The following CNTN4 variants were observed in gnomAD, a reference collection of about 807,000 sequenced individuals.
CNTN4 encodes the protein contactin-4.
CNTN4 carries 77 observed loss-of-function variants against 122.5 expected under a neutral mutation model. The ratio of observed to expected loss-of-function variants is 0.63; its 90% CI spans 0.52 to 0.76. CNTN4 has a LOEUF of 0.76. Ranked by LOEUF, CNTN4 falls within the 30% of genes least tolerant of loss-of-function variation. CNTN4 has a pLI of 0.00. For missense variants in CNTN4, 1,256 were observed against 1,259.1 expected (o/e 1.00, Z 0.04); for synonymous variants, 512 against 447.0 (o/e 1.15, Z -1.83).
chr3:2,708,161 A>G (rs192246633), intron 4 of CNTN4, among the ~76,000 whole-genome samples: 101 of 152,268 alleles, frequency 6.6e-4, no homozygotes, highest in African/African-American at 2.2e-3. Context: ...CAAAGTTTCA[A>G]TGGGTTAATC....
intron 3 of CNTN4, among the ~76,000 whole-genome samples, chr3:2,480,903 TAGATC>T (rs2075971755): frequency 1.3e-5 from 2 of 152,280 alleles, no homozygotes; most frequent in East Asian, 3.9e-4. Flanking sequence ...AACAGACAAA[TAGATC>T]AGAACAGAGA....
chr3:2,937,164 T>A (rs1369388599), intron 13 of CNTN4, among the ~76,000 whole-genome samples: 3 of 152,244 alleles, frequency 2.0e-5, no homozygotes, highest in African/African-American at 7.2e-5. Flanking sequence ...TATTTGTTCT[T>A]TGTGACTTAC....
At chr3:2,990,027 G>A (rs943105466) in intron 14 of CNTN4, among the ~76,000 whole-genome samples, 3 of 152,214 alleles carry the variant, frequency 2.0e-5, no homozygotes, top group African/African-American at 4.8e-5. Flanking sequence ...CCACTTACCA[G>A]CTCTTAGACA....
intron 2 of CNTN4, among the ~76,000 whole-genome samples, chr3:2,291,174 T>C (rs1453020433): frequency 6.6e-6 from 1 of 152,152 alleles, no homozygotes; most frequent in Non-Finnish European, 1.5e-5. Context: ...TATGTAAATT[T>C]TTTTACCCTT....
intron 2 of CNTN4, among the ~76,000 whole-genome samples, chr3:2,122,994 A>G (rs2033899367): frequency 6.6e-6 from 1 of 152,180 alleles, no homozygotes; most frequent in Non-Finnish European, 1.5e-5. Flanking sequence ...GAGACTTGGC[A>G]TGACTGGACG....
chr3:2,327,180 C>A (rs895282042), intron 2 of CNTN4, among the ~76,000 whole-genome samples: 1 of 148,532 alleles, frequency 6.7e-6, no homozygotes, highest in African/African-American at 2.5e-5. Context: ...TATAAAGTGC[C>A]AAGCTTATTT....
intron 20 of CNTN4, among the ~76,000 whole-genome samples, chr3:3,040,855 A>G (rs537819106): frequency 6.6e-6 from 1 of 151,960 alleles, no homozygotes; most frequent in East Asian, 1.9e-4. Flanking sequence ...TGAACCCAGG[A>G]GGCGGAGGTT....
At chr3:2,766,100 A>G (rs1441937424) in intron 6 of CNTN4, among the ~76,000 whole-genome samples, 2 of 152,202 alleles carry the variant, frequency 1.3e-5, no homozygotes, top group Non-Finnish European at 1.5e-5. Flanking sequence ...CAGAGTCACA[A>G]TAGGGCTTCC....
intron 13 of CNTN4, among the ~76,000 whole-genome samples, chr3:2,957,015 A>G (rs1263591057): frequency 6.6e-6 from 1 of 152,098 alleles, no homozygotes; most frequent in Non-Finnish European, 1.5e-5. Context: ...CATATTTACT[A>G]GTTTCTTTAT....
chr3:2,996,064 A>G (rs1695506357), intron 14 of CNTN4, among the ~76,000 whole-genome samples: 1 of 152,204 alleles, frequency 6.6e-6, no homozygotes, highest in Non-Finnish European at 1.5e-5. Context: ...TAATGTTTGC[A>G]TACAGAATAC....
intron 10 of CNTN4, among the ~76,000 whole-genome samples, chr3:2,895,765 T>C (rs980288568): frequency 2.6e-5 from 4 of 152,224 alleles, no homozygotes; most frequent in African/African-American, 9.6e-5. Flanking sequence ...CTGGGCGCAG[T>C]GGCTCACGCC....
chr3:2,888,320 G>A (rs1054101647), intron 10 of CNTN4, among the ~76,000 whole-genome samples: 1 of 152,130 alleles, frequency 6.6e-6, no homozygotes, highest in East Asian at 1.9e-4. Context: ...TAACCGCAAT[G>A]AGCCTTTCTT....
chr3:2,785,152 G>T (rs5000520), intron 6 of CNTN4, among the ~76,000 whole-genome samples: 51,599 of 133,736 alleles, frequency 0.39, 9,339 homozygotes, highest in East Asian at 0.75. Context: ...TATATAGAGA[G>T]AGAGAGAGAG....
intron 4 of CNTN4, among the ~76,000 whole-genome samples, chr3:2,588,526 C>T: frequency 6.6e-6 from 1 of 151,928 alleles, no homozygotes. Flanking sequence ...CCACCATGCC[C>T]AACTAATTTT....
In CNTN4 at chr3:2,246,836, G is replaced by A. The variant is rs557372226; in HGVS notation, c.-144-92342G>A. On this transcript the variant is annotated intron_variant, in intron 2 of 24. Coordinates refer to ENST00000418658, the MANE Select transcript of CNTN4 (RefSeq NM_175607.3). ...AAAAGTCCTCTCAGGGGGATTCAGG[G>A]AATGTTCGTGGAATGAGTTGGCAGT... 2.6e-5 allele frequency among the ~76,000 whole-genome samples: 4 copies of A among 151,978 alleles called. No homozygotes were observed. In the South Asian group the frequency reaches 8.3e-4, roughly 32 times the overall value.
chr3:2,400,108 A>G (rs570060790), intron 3 of CNTN4, among the ~76,000 whole-genome samples: 10 of 151,950 alleles, frequency 6.6e-5, no homozygotes, highest in Non-Finnish European at 1.3e-4. Context: ...TCAGTCCTGT[A>G]AGGATTTTGA....
intron 3 of CNTN4, among the ~76,000 whole-genome samples, chr3:2,415,989 C>A (rs1575585000): frequency 6.6e-6 from 1 of 152,068 alleles, no homozygotes; most frequent in Admixed American, 6.6e-5. Context: ...GGTGAATTGG[C>A]ATGAGAATTG....
chr3:2,988,237 A>G (rs1694755447), intron 13 of CNTN4, 108 bp from the exon 14 acceptor site: 1 of 1,041,418 alleles, frequency 9.6e-7, no homozygotes. Context: ...ACTACAAATA[A>G]TGTAGCAATG....
intron 4 of CNTN4, among the ~76,000 whole-genome samples, chr3:2,726,029 T>C (rs1450637151): frequency 1.3e-5 from 2 of 152,196 alleles, no homozygotes; most frequent in African/African-American, 4.8e-5. Context: ...GGGATAAAGC[T>C]TGCTTGGGAC....
Sources: allele counts gnomAD v4.1 joint callset (sites outside exome capture counted in the v4.1 genomes callset), GRCh38; gene constraint gnomAD v4.1.1; transcripts MANE v1.5; gene names NCBI Gene and HGNC (gene_info 2026-07-23, HGNC 2026-07-21).